The following KLHL42 variants were observed in gnomAD, a reference collection of about 807,000 sequenced individuals.
KLHL42 encodes kelch like family member 42.
In KLHL42, 27 loss-of-function variants were observed where a neutral mutation model predicts 32.7. The ratio of observed to expected loss-of-function variants is 0.83; its 90% CI spans 0.61 to 1.14. The LOEUF (loss-of-function observed/expected upper bound fraction) is 1.14, where lower values mean the gene tolerates loss of function less well. Among genes scored for constraint, KLHL42 ranks in the 50% most tolerant of loss-of-function variants. The pLI is 0.00. For missense variants in KLHL42, 491 were observed against 560.8 expected, an observed-to-expected ratio of 0.88 and a Z score of 1.26; for synonymous variants, 267 against 248.2, an observed-to-expected ratio of 1.08 and a Z score of -0.71.
chr12:27,798,068 A>G lies in KLHL42; in HGVS notation c.1420A>G (p.Ile474Val). ...LEHRVFLKYNIFSDSWEAFRR... is the reference protein window; with the variant it reads ...LEHRVFLKYNVFSDSWEAFRR... ...ACACCGAGTGTTCCTCAAGTACAACATCTTTTCAGATAGTTGGGAAGCATT... is the reference window on the plus strand; with the variant it reads ...ACACCGAGTGTTCCTCAAGTACAACGTCTTTTCAGATAGTTGGGAAGCATT... Residue 474 changes from isoleucine to valine, a missense_variant, in exon 3 of 3, where the codon ATC becomes GTC. Around this residue, in one of 4 missense-constraint regions of KLHL42, gnomAD observed 152 missense variants for 125.9 expected, o/e 1.21. Coordinates refer to ENST00000381271, the MANE Select transcript of KLHL42 (RefSeq NM_020782.2). The G allele has an allele frequency of 1.3e-6, 1 of 781,046 alleles. No homozygotes were observed. The highest frequency in any genetic ancestry group is 2.4e-6 in the Non-Finnish European group (1 of 418,132). 48.4% of individuals were successfully genotyped at this position (781,046 alleles called of 1,614,324 possible).
chr12:27,784,292 C>T (rs995924118), intron 1 of KLHL42, among the ~76,000 whole-genome samples: 1 of 146,674 alleles, frequency 6.8e-6, no homozygotes, highest in African/African-American at 2.6e-5. Flanking sequence ...CGCCACCACG[C>T]CTGGCTAATT....
chr12:27,792,081 G>A (rs1384512285), intron 2 of KLHL42, 180 bp downstream of exon 2: 1 of 491,378 alleles, frequency 2.0e-6, no homozygotes, highest in Non-Finnish European at 3.6e-6. Flanking sequence ...GGGACAGGAG[G>A]GATCTTTTGA....
At chr12:27,783,758 G>C (rs79175098) in intron 1 of KLHL42, among the ~76,000 whole-genome samples, 2 of 151,408 alleles carry the variant, frequency 1.3e-5, no homozygotes, top group African/African-American at 4.9e-5. Context: ...ATTTTTTTTT[G>C]TATTTTTAGT....
At chr12:27,791,435 G>C (rs1426944607) in intron 1 of KLHL42, among the ~76,000 whole-genome samples, 2 of 152,188 alleles carry the variant, frequency 1.3e-5, no homozygotes, top group South Asian at 4.1e-4. Flanking sequence ...TTGGTTGCTG[G>C]ACTAAGGCTG....
At chr12:27,795,621 G>T (rs1192193243) in intron 2 of KLHL42, among the ~76,000 whole-genome samples, 2 of 70,212 alleles carry the variant, frequency 2.8e-5, no homozygotes. Context: ...CATCATGATT[G>T]TTAGGAAAAA....
chr12:27,796,232 TG>T (rs1361868584), intron 2 of KLHL42, among the ~76,000 whole-genome samples: 4 of 152,208 alleles, frequency 2.6e-5, no homozygotes, highest in African/African-American at 9.7e-5. Flanking sequence ...TTGTATCAGA[TG>T]TGGCTGTGGA....
rs369520621 is a variant in KLHL42 at position 27,797,872 on chromosome 12, G to C, written c.1224G>C (p.Arg408Ser). The change falls in exon 3 of 3, where the codon AGG becomes AGC. Residue 408 changes from arginine to serine, a missense_variant. Arg to Ser is a moderately radical substitution (Grantham distance 110, BLOSUM62 -1). Transcript: ENST00000381271. ...GCLHELGPNR[R>S]SSQSEDMLTV... ...TCCACGAGCTGGGGCCCAACCGCAG[G>C]AGCAGCCAGAGCGAGGACATGCTCA... is the stretch of plus-strand genomic sequence containing the variant. 2.6e-6 allele frequency: 2 copies of C among 780,568 alleles called. No homozygotes were observed. The highest frequency in any genetic ancestry group is 4.8e-6 in the Non-Finnish European group (2 of 417,908). 48.4% of individuals were successfully genotyped at this position (780,568 alleles called of 1,614,324 possible). A position where few individuals can be genotyped will look rare whatever the true frequency, so the allele number is the denominator to read the frequency against.
At chr12:27,782,553 A>G (rs2062153676) in intron 1 of KLHL42, among the ~76,000 whole-genome samples, 1 of 152,202 alleles carries the variant, frequency 6.6e-6, no homozygotes, top group African/African-American at 2.4e-5. Flanking sequence ...TGTAATTGAA[A>G]CAACAAAGGA....
chr12:27,798,348 A>AC lies in KLHL42; in HGVS notation c.*184dup. ...ACTTGAAAACTGGTGGAAAAAAGAG[A>AC]CCAACTTTGTTATTTTTTAAATTAT... On this transcript the variant is annotated 3_prime_UTR_variant, in exon 3 of 3. Transcript: ENST00000381271. The AC allele has an allele frequency of 1.8e-6, 1 of 545,686 alleles. No individual in the cohort carries two copies. Among genetic ancestry groups the AC allele is most frequent in the East Asian group, 3.0e-5 (1 of 33,386 alleles). 33.8% of individuals were successfully genotyped at this position (545,686 alleles called of 1,614,324 possible).
intron 2 of KLHL42, among the ~76,000 whole-genome samples, chr12:27,794,567 T>C (rs1217499948): frequency 6.6e-6 from 1 of 152,188 alleles, no homozygotes; most frequent in Non-Finnish European, 1.5e-5. Context: ...TCATAGCTCA[T>C]TGCAGGCTCA....
intron 1 of KLHL42, among the ~76,000 whole-genome samples, chr12:27,786,189 T>G (rs889174784): frequency 6.6e-6 from 1 of 152,242 alleles, no homozygotes; most frequent in Non-Finnish European, 1.5e-5. Context: ...TTTTGGATTT[T>G]AGACTTGCAG....
chr12:27,794,074 GA>G (rs2062209044), intron 2 of KLHL42, among the ~76,000 whole-genome samples: 1 of 152,240 alleles, frequency 6.6e-6, no homozygotes, highest in East Asian at 1.9e-4. Flanking sequence ...TTTCTTTTTA[GA>G]ATAAGTCGAA....
rs575831739 is a variant in KLHL42 at position 27,799,273 on chromosome 12, G to C, written c.*1107G>C. On this transcript the variant is annotated 3_prime_UTR_variant, in exon 3 of 3. Transcript: ENST00000381271. ...TGAAGTTAGGTAAAGTGCTTTACTT[G>C]CCTTGGTTGTTAATTGAAATAGAAT... is the stretch of plus-strand genomic sequence containing the variant. 1.3e-5 allele frequency: 2 copies of C among 152,180 alleles called. No homozygotes were observed. Among genetic ancestry groups the C allele is most frequent in the South Asian group, 2.1e-4 (1 of 4,832 alleles). 9.4% of individuals were successfully genotyped at this position (152,180 alleles called of 1,614,324 possible). A position where few individuals can be genotyped will look rare whatever the true frequency, so the allele number is the denominator to read the frequency against.
In KLHL42 at chr12:27,798,047, C is replaced by T. The variant is rs1161767378; in HGVS notation, c.1399C>T (p.Arg467Ter). 1 of 781,064 alleles carries T rather than the reference C, an allele frequency of 1.3e-6. No homozygotes were observed. The highest frequency in any genetic ancestry group is 2.4e-6 in the Non-Finnish European group (1 of 418,130). The allele number at this position is 781,064 out of a possible 1,614,324, so 48.4% of individuals were successfully genotyped here. The part of the protein sequence containing the change: ...DVTLSTSLEH[R>*]VFLKYNIFSD... ...CACCCTGTCGACCAGCTTGGAACAC[C>T]GAGTGTTCCTCAAGTACAACATCTT... The change falls in exon 3 of 3, where the codon CGA becomes TGA. Residue 467 changes from arginine to a stop codon, truncating the protein, a stop_gained. Transcript: ENST00000381271. LOFTEE classifies it high-confidence loss of function.
chr12:27,796,234 T>A (rs2062218040), intron 2 of KLHL42, among the ~76,000 whole-genome samples: 2 of 152,202 alleles, frequency 1.3e-5, no homozygotes, highest in African/African-American at 4.8e-5. Context: ...GTATCAGATG[T>A]GGCTGTGGAG....
chr12:27,798,331 A>C lies in KLHL42; in HGVS notation c.*165A>C, dbSNP rs536868621. On this transcript the variant is annotated 3_prime_UTR_variant, in exon 3 of 3. Transcript: ENST00000381271. ...GCTTACTTGAACTAATTACTTGAAA[A>C]CTGGTGGAAAAAAGAGACCAACTTT... The C allele has an allele frequency of 9.1e-6, 5 of 550,910 alleles. No individual in the cohort carries two copies. The highest frequency in any genetic ancestry group is 1.6e-5 in the Non-Finnish European group (5 of 312,364). 34.1% of individuals were successfully genotyped at this position (550,910 alleles called of 1,614,324 possible). A position where few individuals can be genotyped will look rare whatever the true frequency, so the allele number is the denominator to read the frequency against.
intron 1 of KLHL42, among the ~76,000 whole-genome samples, chr12:27,782,692 A>G (rs1458199130): frequency 6.6e-6 from 1 of 151,700 alleles, no homozygotes; most frequent in Admixed American, 6.6e-5. Context: ...ACAGTTCCTC[A>G]CACTTCTTTC....
Position 27,780,816 on chromosome 12 carries a change from C to T in KLHL42, c.486C>T (p.Cys162=). The part of the protein sequence containing the change: ...FMVVHFHEVL[C]KPQFHLLGSP... ...TCGTCCACTTCCACGAGGTGCTGTG[C>T]AAGCCCCAGTTCCACCTCCTGGGGT... The change falls in exon 1 of 3, where the codon TGC becomes TGT. Residue 162 remains cysteine, a synonymous_variant. Coordinates refer to ENST00000381271, the MANE Select transcript of KLHL42 (RefSeq NM_020782.2). This position sits in a 1 kb window ranked among gnomAD's most constrained non-coding sequence, Gnocchi z 8.8. 2 of 1,613,802 alleles carry T rather than the reference C, an allele frequency of 1.2e-6. No homozygotes were observed. The highest frequency in any genetic ancestry group is 1.7e-6 in the Non-Finnish European group (2 of 1,180,008).
At chr12:27,791,619 G>A in intron 1 of KLHL42, 89 bp from the exon 2 acceptor site, 1 of 1,156,212 alleles carries the variant, frequency 8.6e-7, no homozygotes, top group Non-Finnish European at 1.3e-6. Flanking sequence ...TTCTTCAGAT[G>A]TTCAGGAGAG....
Sources: gnomAD v4.1 joint callset for allele counts (sites outside exome capture counted in the v4.1 genomes callset) on GRCh38, gnomAD v4.1.1 for gene constraint, gnomAD v4.1.1 regional missense constraint, Gnocchi (gnomAD v3.1) non-coding constraint, MANE v1.5 for transcripts, NCBI Gene and HGNC (gene_info 2026-07-23, HGNC 2026-07-21) for gene names.